Variants in NUP210L observed in about 807,000 individuals in gnomAD.
NUP210L encodes nucleoporin 210 like.
In NUP210L, 74 loss-of-function variants were observed where a neutral mutation model predicts 208.5. That is an observed-to-expected ratio of 0.35 (90% CI 0.29 to 0.43). The LOEUF (loss-of-function observed/expected upper bound fraction) is 0.43. Ranked by LOEUF, NUP210L falls within the 20% of genes least tolerant of loss-of-function variation. The probability of loss-of-function intolerance (pLI) is 1.00; values close to 1 mark genes in which losing one functional copy is unlikely to be tolerated. For missense variants in NUP210L, 1,843 were observed against 2,289.4 expected, an observed-to-expected ratio of 0.81 and a Z score of 3.98; for synonymous variants, 780 against 816.9, an observed-to-expected ratio of 0.95 and a Z score of 0.77.
chr1:154,016,072 T>C (rs1049392051), intron 33 of NUP210L, among the ~76,000 whole-genome samples: 4 of 151,680 alleles, frequency 2.6e-5, no homozygotes, highest in African/African-American at 9.7e-5. Flanking sequence ...CTGGACAACA[T>C]AGCGAGACCC....
exon 12 of NUP210L, chr1:154,117,759 T>C: frequency 6.3e-7 from 1 of 1,583,428 alleles, no homozygotes. Flanking sequence ...ATTTTGTACA[T>C]CTCGGGCCAA....
chr1:154,028,806 T>C (rs925550533), intron 28 of NUP210L, among the ~76,000 whole-genome samples: 2 of 151,878 alleles, frequency 1.3e-5, no homozygotes, highest in African/African-American at 4.8e-5. Flanking sequence ...TAATAGTATA[T>C]AAAAGCAGCC....
intron 20 of NUP210L, among the ~76,000 whole-genome samples, chr1:154,059,249 C>G (rs1175324111): frequency 4.0e-5 from 6 of 151,546 alleles, no homozygotes; most frequent in African/African-American, 7.3e-5. Flanking sequence ...GAGGGAGGAT[C>G]ACTTGAATTT....
At chr1:154,127,478 T>A in intron 8 of NUP210L, 61 bp from the exon 9 acceptor site, 1 of 773,376 alleles carries the variant, frequency 1.3e-6, no homozygotes, top group Non-Finnish European at 2.1e-6. Flanking sequence ...ACAACGAATT[T>A]AAAAATACAA....
intron 34 of NUP210L, 67 bp from the exon 35 acceptor site, chr1:154,010,188 T>C: frequency 6.9e-7 from 1 of 1,448,544 alleles, no homozygotes; most frequent in Non-Finnish European, 9.4e-7. Context: ...GAGACCATTA[T>C]ATGGAGGCAA....
chr1:154,090,196 T>C (rs1229111234), intron 15 of NUP210L, among the ~76,000 whole-genome samples: 2 of 150,594 alleles, frequency 1.3e-5, no homozygotes, highest in Admixed American at 6.6e-5. Flanking sequence ...TTGAGCAACA[T>C]AGTGAGACCC....
chr1:154,002,844 T>C (rs1460576458), intron 35 of NUP210L, among the ~76,000 whole-genome samples: 2 of 151,940 alleles, frequency 1.3e-5, no homozygotes, highest in Non-Finnish European at 2.9e-5. Context: ...GCTGGGGATA[T>C]AGAATGAAGT....
intron 34 of NUP210L, among the ~76,000 whole-genome samples, chr1:154,012,001 C>T (rs533867424): frequency 1.8e-4 from 27 of 152,082 alleles, no homozygotes; most frequent in East Asian, 3.9e-4. Context: ...TAAGCCACCG[C>T]GCCCGGCCTA....
intron 27 of NUP210L, among the ~76,000 whole-genome samples, chr1:154,044,921 A>G (rs1571208147): frequency 6.6e-6 from 1 of 152,016 alleles, no homozygotes; most frequent in South Asian, 2.1e-4. Context: ...GAGGTTTAAT[A>G]CTATATGCAT....
chr1:154,135,788 C>A, intron 7 of NUP210L, 26 bp downstream of exon 7: 1 of 1,599,364 alleles, frequency 6.3e-7, no homozygotes. Flanking sequence ...TGTAGACTGG[C>A]AGCTAAAACT....
Position 154,025,480 on chromosome 1 carries a change from CT to C in NUP210L, c.4122+61del, listed in dbSNP as rs1244797222. On this transcript the variant is annotated intron_variant, in intron 30 of 39. Coordinates refer to ENST00000368559, the Ensembl canonical transcript of NUP210L. ...CTAGTTTTTTAAAAAAGAAACTCTGCTTTTTAAGGCCAGGGTATGACTTTTA... is the reference window on the plus strand; with the variant it reads ...CTAGTTTTTTAAAAAAGAAACTCTGCTTTTAAGGCCAGGGTATGACTTTTA... 3.4e-6 allele frequency: 4 copies of C among 1,173,392 alleles called. No homozygotes were observed. In the African/African-American group the frequency reaches 4.7e-5, roughly 14 times the overall value. 72.7% of individuals were successfully genotyped at this position (1,173,392 alleles called of 1,614,324 possible).
At chr1:154,126,764 C>T (rs114606464) in intron 9 of NUP210L, among the ~76,000 whole-genome samples, 2,699 of 151,684 alleles carry the variant, frequency 0.018, 84 homozygotes, top group African/African-American at 0.063. Context: ...AAATAAGGAC[C>T]CTAGAGAGTG....
chr1:154,093,149 C>T (rs942355905), intron 15 of NUP210L, among the ~76,000 whole-genome samples: 1 of 152,102 alleles, frequency 6.6e-6, no homozygotes, highest in African/African-American at 2.4e-5. Context: ...TAATTTTAGG[C>T]CGGGTGCGGT....
At chr1:154,140,483 A>G (rs1326399191) in intron 4 of NUP210L, among the ~76,000 whole-genome samples, 1 of 151,594 alleles carries the variant, frequency 6.6e-6, no homozygotes, top group East Asian at 1.9e-4. Flanking sequence ...CCTGGCCAAT[A>G]TGGCGAAACC....
At chr1:154,128,609 G>C (rs1658100896) in intron 8 of NUP210L, among the ~76,000 whole-genome samples, 1 of 152,040 alleles carries the variant, frequency 6.6e-6, no homozygotes, top group Non-Finnish European at 1.5e-5. Flanking sequence ...CTGGCACTTT[G>C]GGAGGCCGAG....
At chr1:153,993,148 G>T (rs1649574845) in intron 38 of NUP210L, 59 bp from the exon 39 acceptor site, 1 of 1,119,076 alleles carries the variant, frequency 8.9e-7, no homozygotes, top group Middle Eastern at 2.1e-4. Context: ...AAAAGGCAAA[G>T]TCAACTCTAG....
intron 17 of NUP210L, among the ~76,000 whole-genome samples, chr1:154,064,904 G>A (rs1654320182): frequency 6.6e-6 from 1 of 151,510 alleles, no homozygotes; most frequent in Admixed American, 6.6e-5. Flanking sequence ...GTGAAACCCT[G>A]TCTCTACTAA....
intron 38 of NUP210L, 32 bp downstream of exon 38, chr1:153,995,043 CA>C: frequency 7.7e-7 from 1 of 1,304,070 alleles, no homozygotes; most frequent in East Asian, 2.3e-5. Flanking sequence ...GTTTTCATGT[CA>C]AAGTCTATGT....
At chr1:153,996,291 C>CAAACA (rs1200577554) in intron 37 of NUP210L, among the ~76,000 whole-genome samples, 2 of 152,142 alleles carry the variant, frequency 1.3e-5, no homozygotes, top group East Asian at 1.9e-4. Context: ...GACTCTATTT[C>CAAACA]AAACAAAACA....
Sources: allele counts gnomAD v4.1 joint callset (sites outside exome capture counted in the v4.1 genomes callset), GRCh38; gene constraint gnomAD v4.1.1; transcripts MANE v1.5; gene names NCBI Gene and HGNC (gene_info 2026-07-23, HGNC 2026-07-21).